FBXL13: variants seen among roughly 807,000 people sequenced by gnomAD.
FBXL13 encodes F-box and leucine rich repeat protein 13, also known as F-box and leucine-rich repeat protein 13.
A neutral mutation model predicts 83.6 loss-of-function variants in FBXL13; 67 were observed. The ratio of observed to expected loss-of-function variants is 0.80; its 90% confidence interval spans 0.66 to 0.98. FBXL13 has a LOEUF of 0.98. Ranked by LOEUF, FBXL13 falls within the 50% of genes least tolerant of loss-of-function variation. FBXL13 has a pLI of 0.00. For missense variants in FBXL13, 822 were observed against 866.5 expected, an observed-to-expected ratio of 0.95 and a Z score of 0.64; for synonymous variants, 272 against 299.5, an observed-to-expected ratio of 0.91 and a Z score of 0.95.
chr7:102,886,795 G>C (rs2129459587), intron 11 of FBXL13, among the ~76,000 whole-genome samples: 2 of 152,168 alleles, frequency 1.3e-5, no homozygotes, highest in East Asian at 3.9e-4. Context: ...AAAAGCCAAA[G>C]GAATTTTTAT....
chr7:103,070,240 TA>T (rs1798815167), intron 1 of FBXL13, among the ~76,000 whole-genome samples: 1 of 152,172 alleles, frequency 6.6e-6, no homozygotes, highest in Non-Finnish European at 1.5e-5. Context: ...TTTATTTATT[TA>T]TTTTTTTAGA....
chr7:102,855,399 T>G (rs1805889754), intron 16 of FBXL13, among the ~76,000 whole-genome samples: 1 of 152,278 alleles, frequency 6.6e-6, no homozygotes, highest in Middle Eastern at 3.4e-3. Flanking sequence ...GGCCTTGGAT[T>G]TTTTTAATTT....
chr7:103,037,127 A>G (rs981136889), intron 2 of FBXL13, among the ~76,000 whole-genome samples: 1 of 152,234 alleles, frequency 6.6e-6, no homozygotes, highest in Non-Finnish European at 1.5e-5. Context: ...ACATGAATCT[A>G]GTTCATATCT....
At chr7:102,884,926 T>C (rs1810596511) in intron 11 of FBXL13, among the ~76,000 whole-genome samples, 1 of 152,186 alleles carries the variant, frequency 6.6e-6, no homozygotes, top group Non-Finnish European at 1.5e-5. Flanking sequence ...TTTCACTTAG[T>C]GTAATGTTTT....
At chr7:103,032,383 A>G (rs1794596249) in intron 2 of FBXL13, among the ~76,000 whole-genome samples, 1 of 152,204 alleles carries the variant, frequency 6.6e-6, no homozygotes, top group African/African-American at 2.4e-5. Flanking sequence ...AAATCTCATA[A>G]TATCCATCTC....
intron 19 of FBXL13, among the ~76,000 whole-genome samples, chr7:102,815,408 C>T (rs1245916096): frequency 1.3e-5 from 2 of 152,144 alleles, no homozygotes; most frequent in Non-Finnish European, 2.9e-5. Context: ...CGAGAGATTT[C>T]AGCAGCTTAC....
At chr7:102,956,117 C>T (rs547835274) in intron 8 of FBXL13, among the ~76,000 whole-genome samples, 34 of 152,132 alleles carry the variant, frequency 2.2e-4, no homozygotes, top group South Asian at 2.1e-3. Flanking sequence ...TGATGAATAT[C>T]GATGCAAAAA....
At chr7:103,046,794 C>A (rs1470682148) in intron 2 of FBXL13, 3 of 152,118 alleles carry the variant, frequency 2.0e-5, no homozygotes, top group Non-Finnish European at 4.4e-5. Flanking sequence ...GAGAAACTTT[C>A]CTGGTTAGTT....
chr7:102,825,956 A>T lies in FBXL13; in HGVS notation c.1855-3753T>A, dbSNP rs544153760. 6.6e-4 allele frequency among the ~76,000 whole-genome samples: 100 copies of T among 152,318 alleles called. 3 individuals are homozygous for T. The South Asian group carries it at 0.019, about 30-fold the overall frequency. ...GATTGCCACAGAACTAAAGGAGAAC[A>T]TGTATGTGACCAGTGACTAGCATAA... On this transcript the variant is annotated intron_variant, in intron 18 of 19. Coordinates refer to ENST00000313221, the Ensembl canonical transcript of FBXL13.
chr7:103,064,060 G>A (rs1798166363), intron 1 of FBXL13, among the ~76,000 whole-genome samples: 1 of 152,098 alleles, frequency 6.6e-6, no homozygotes, highest in Non-Finnish European at 1.5e-5. Context: ...GGCCTTTTGT[G>A]GAATCCACTT....
chr7:102,934,857 A>C (rs997531825), intron 8 of FBXL13, among the ~76,000 whole-genome samples: 1 of 152,200 alleles, frequency 6.6e-6, no homozygotes, highest in Non-Finnish European at 1.5e-5. Flanking sequence ...TCCAGACTCA[A>C]GGCAGTTGGT....
At chr7:102,832,883 T>C (rs1176598280) in exon 18 of FBXL13, 3 of 1,614,176 alleles carry the variant, frequency 1.9e-6, no homozygotes, top group South Asian at 2.2e-5. Flanking sequence ...GTTAATGCAG[T>C]AAATGGCCAG....
intron 18 of FBXL13, among the ~76,000 whole-genome samples, chr7:102,824,411 G>A (rs1400531773): frequency 6.6e-6 from 1 of 152,112 alleles, no homozygotes; most frequent in South Asian, 2.1e-4. Flanking sequence ...TTAATGTTCT[G>A]GAGTATTTCT....
rs1400132325 is a variant in FBXL13, at chr7:102,844,515, G to GT, written c.1719+10261dup. Among the ~76,000 whole-genome samples, 6 of 152,256 alleles carry GT rather than the reference G, an allele frequency of 3.9e-5. No homozygotes were observed. The East Asian group carries it at 9.6e-4, about 24-fold the overall frequency. ...GAGAGAGAATGCCTAAAAGACTGTC[G>GT]TAAGAGTGGAGAGGTGAAGAGAGCT... On this transcript the variant is annotated intron_variant, in intron 17 of 19. Coordinates refer to ENST00000313221, the Ensembl canonical transcript of FBXL13.
chr7:102,906,167 A>G (rs1813718737), intron 11 of FBXL13, among the ~76,000 whole-genome samples: 1 of 152,206 alleles, frequency 6.6e-6, no homozygotes. Flanking sequence ...ACCTGCCCCC[A>G]TGATTCAATT....
At chr7:102,899,465 T>C (rs927512921) in intron 11 of FBXL13, among the ~76,000 whole-genome samples, 5 of 152,210 alleles carry the variant, frequency 3.3e-5, no homozygotes, top group African/African-American at 1.2e-4. Flanking sequence ...ACAAATTTCT[T>C]CTGTGCTGCT....
At chr7:103,028,720 C>T (rs1382649024) in exon 4 of FBXL13, 1 of 1,600,208 alleles carries the variant, frequency 6.2e-7, no homozygotes, top group Non-Finnish European at 8.5e-7. Context: ...ACGACATTTT[C>T]ATTTGTACGA....
intron 6 of FBXL13, among the ~76,000 whole-genome samples, chr7:102,979,360 T>G (rs1275389321): frequency 1.3e-5 from 2 of 152,180 alleles, no homozygotes; most frequent in Non-Finnish European, 1.5e-5. Context: ...AAGTCTTGCC[T>G]CTCTCTTTTA....
Position 102,813,550 on chromosome 7 carries a change from G to A in FBXL13, c.2019-19C>T. 1 of 1,605,394 alleles carries A rather than the reference G, an allele frequency of 6.2e-7. No homozygotes were observed. The highest frequency in any genetic ancestry group is 1.7e-5 in the Admixed American group (1 of 58,192). ...TGCCTTCCTGTAATAACAGTGCTTA[G>A]CATTAGCTAGTTGCAGAAGTAACCC... On this transcript the variant is annotated intron_variant, in intron 19 of 19. Coordinates refer to ENST00000313221, the Ensembl canonical transcript of FBXL13.
Sources: gnomAD v4.1 joint callset for allele counts (sites outside exome capture counted in the v4.1 genomes callset) on GRCh38, gnomAD v4.1.1 for gene constraint, MANE v1.5 for transcripts, NCBI Gene and HGNC (gene_info 2026-07-23, HGNC 2026-07-21) for gene names.